LOC128462377: variants seen among roughly 807,000 people sequenced by gnomAD.
the LOC128462377 span, among the ~76,000 whole-genome samples, chr16:89,388,255 C>T: frequency 2.0e-5 from 3 of 148,588 alleles, no homozygotes; most frequent in African/African-American, 4.9e-5. Flanking sequence ...AGGGCCCACG[C>T]GGGTGGTGCC....
At chr16:89,340,466 G>T in the LOC128462377 span, among the ~76,000 whole-genome samples, 2 of 152,134 alleles carry the variant, frequency 1.3e-5, no homozygotes, top group Non-Finnish European at 2.9e-5. Context: ...GTAGAGATGG[G>T]GTTTCACAAT....
chr16:89,388,377 G>A, the LOC128462377 span, among the ~76,000 whole-genome samples: 4 of 143,210 alleles, frequency 2.8e-5, no homozygotes, highest in East Asian at 2.2e-4. Context: ...TGATCTGCCC[G>A]CCTTGGCCTC....
the LOC128462377 span, among the ~76,000 whole-genome samples, chr16:89,346,694 C>T: frequency 6.6e-6 from 1 of 152,102 alleles, no homozygotes; most frequent in African/African-American, 2.4e-5. Context: ...TTGGAAATGA[C>T]AGAGATGCTA....
the LOC128462377 span, among the ~76,000 whole-genome samples, chr16:89,413,873 C>T: frequency 3.3e-5 from 5 of 152,138 alleles, no homozygotes; most frequent in African/African-American, 7.2e-5. Context: ...CAAGGCCAGA[C>T]TGGGGGGAGG....
At chr16:89,352,490 C>G in the LOC128462377 span, among the ~76,000 whole-genome samples, 1 of 152,058 alleles carries the variant, frequency 6.6e-6, no homozygotes, top group Admixed American at 6.5e-5. Flanking sequence ...ATCTTCAAGG[C>G]TCACACCCTT....
the LOC128462377 span, among the ~76,000 whole-genome samples, chr16:89,330,363 A>G: frequency 6.6e-6 from 1 of 151,910 alleles, no homozygotes; most frequent in African/African-American, 2.4e-5. Context: ...GTGCTAGGGG[A>G]GCCAGTGGAG....
At chr16:89,377,245 C>T in the LOC128462377 span, among the ~76,000 whole-genome samples, 1 of 151,976 alleles carries the variant, frequency 6.6e-6, no homozygotes, top group Non-Finnish European at 1.5e-5. Context: ...ACACAGCATG[C>T]TATGGAAAGG....
At chr16:89,409,519 C>T in the LOC128462377 span, among the ~76,000 whole-genome samples, 1 of 152,154 alleles carries the variant, frequency 6.6e-6, no homozygotes, top group Non-Finnish European at 1.5e-5. Context: ...TAGCTTTTCA[C>T]AAGAGCAGGA....
chr16:89,401,040 A>T, the LOC128462377 span, among the ~76,000 whole-genome samples: 1 of 152,104 alleles, frequency 6.6e-6, no homozygotes, highest in Non-Finnish European at 1.5e-5. Context: ...CAAATCCACA[A>T]CACGCTGGCC....
chr16:89,326,509 C>T, the LOC128462377 span, among the ~76,000 whole-genome samples: 1 of 152,036 alleles, frequency 6.6e-6, no homozygotes, highest in Non-Finnish European at 1.5e-5. Context: ...ACTCAGGAGG[C>T]CAAGGCAGGG....
chr16:89,332,765 T>C, the LOC128462377 span, among the ~76,000 whole-genome samples: 1 of 152,110 alleles, frequency 6.6e-6, no homozygotes, highest in Non-Finnish European at 1.5e-5. Context: ...ACCTCCCTAG[T>C]TTCACACCTC....
the LOC128462377 span, among the ~76,000 whole-genome samples, chr16:89,368,269 C>G: frequency 5.4e-3 from 823 of 151,626 alleles, 9 homozygotes; most frequent in African/African-American, 0.019. Context: ...AATCTCGGCT[C>G]ACTGCAACCT....
chr16:89,330,011 A>AAAATG, the LOC128462377 span, among the ~76,000 whole-genome samples: 1 of 151,862 alleles, frequency 6.6e-6, no homozygotes, highest in Non-Finnish European at 1.5e-5. Context: ...AAAATAAAAT[A>AAAATG]AAATAAAATA....
At chr16:89,408,716 C>T in the LOC128462377 span, among the ~76,000 whole-genome samples, 2 of 152,308 alleles carry the variant, frequency 1.3e-5, no homozygotes, top group African/African-American at 2.4e-5. Flanking sequence ...GCCTCAGAGT[C>T]CCCGGGACTC....
the LOC128462377 span, among the ~76,000 whole-genome samples, chr16:89,317,539 C>T: frequency 6.6e-6 from 1 of 152,172 alleles, no homozygotes; most frequent in East Asian, 1.9e-4. Context: ...CCTCACGCCC[C>T]ACTCACCACC....
the LOC128462377 span, among the ~76,000 whole-genome samples, chr16:89,393,351 T>C: frequency 4.0e-5 from 6 of 150,840 alleles, no homozygotes; most frequent in African/African-American, 1.2e-4. Context: ...TGCTCTGTAG[T>C]GCGAGACCAC....
At chr16:89,375,768 T>TAA in the LOC128462377 span, among the ~76,000 whole-genome samples, 20 of 84,532 alleles carry the variant, frequency 2.4e-4, no homozygotes, top group African/African-American at 6.9e-4. Context: ...CTCCGTCTCT[T>TAA]AAAAAAAAAA....
chr16:89,350,420 G>C, the LOC128462377 span, among the ~76,000 whole-genome samples: 1 of 152,116 alleles, frequency 6.6e-6, no homozygotes, highest in African/African-American at 2.4e-5. Flanking sequence ...CAACGGACAT[G>C]TCTATAACTG....
At chr16:89,414,604 G>C in the LOC128462377 span, among the ~76,000 whole-genome samples, 1 of 152,290 alleles carries the variant, frequency 6.6e-6, no homozygotes, top group African/African-American at 2.4e-5. Flanking sequence ...CAGTAGATAC[G>C]ACCGTGACCA....
Sources: allele counts gnomAD v4.1 joint callset (sites outside exome capture counted in the v4.1 genomes callset), GRCh38; gene constraint gnomAD v4.1.1; transcripts MANE v1.5.